ZNF205: variants seen among roughly 807,000 people sequenced by gnomAD.
The protein encoded by ZNF205 is transcriptional repressor RHIT.
A neutral mutation model predicts 53.6 loss-of-function variants in ZNF205; 32 were observed. The observed-to-expected ratio is 0.60, with a 90% CI of 0.45 to 0.80. The LOEUF (loss-of-function observed/expected upper bound fraction) is 0.80. ZNF205 is among the 30% of genes least tolerant of loss of function. The pLI, the probability that ZNF205 is intolerant of heterozygous loss-of-function variation, is 0.00. For missense variants in ZNF205, 836 were observed against 782.4 expected (o/e 1.07, Z -0.82); for synonymous variants, 382 against 334.3 (o/e 1.14, Z -1.56).
At position 3,119,531 on chromosome 16, in the gene ZNF205, G is replaced by A. The variant is rs564531023; in HGVS notation, c.871G>A (p.Glu291Lys). Residue 291 changes from glutamate (E) to lysine (K), a missense_variant, in exon 7 of 7, where the codon GAG becomes AAG. Glu to Lys is a moderately conservative substitution (Grantham distance 56). Transcript: ENST00000219091. ...CAACGAGGAGGAGAAGGGCGCCCCG[G>A]AGAGTGGCGAGGAGGGCCTGGCCCC... ...KPNEEEKGAP[E>K]SGEEGLAPDS... 6.9e-6 allele frequency: 11 copies of A among 1,605,484 alleles called. No individual in the cohort carries two copies. In the South Asian group the frequency reaches 1.0e-4, roughly 15 times the overall value.
rs761459629 is a variant in ZNF205, at chr16:3,120,089, C to T, written c.1429C>T (p.His477Tyr). ...NRTHTGEKPY[H>Y]CLDCGKSFSH... ...CACACACACAGGCGAGAAGCCCTACCACTGCCTCGACTGCGGCAAGAGCTT... is the reference window on the plus strand; with the variant it reads ...CACACACACAGGCGAGAAGCCCTACTACTGCCTCGACTGCGGCAAGAGCTT... Residue 477 changes from histidine (H) to tyrosine (Y), a missense_variant, in exon 7 of 7, where the codon CAC (histidine) becomes TAC (tyrosine). Coordinates refer to ENST00000219091, the MANE Select transcript of ZNF205 (RefSeq NM_001042428.2). 1.9e-6 allele frequency: 3 copies of T among 1,613,758 alleles called. No individual in the cohort carries two copies. In the Admixed American group the frequency reaches 5.0e-5, roughly 27 times the overall value.
chr16:3,118,793 C>G (rs1957377970), intron 5 of ZNF205, 112 bp from the exon 6 acceptor site: 1 of 1,179,188 alleles, frequency 8.5e-7, no homozygotes, highest in Admixed American at 2.6e-5. Flanking sequence ...TATTTTACCC[C>G]CTGTTTCCAG....
chr16:3,114,350 A>G (rs189725607), intron 2 of ZNF205, among the ~76,000 whole-genome samples: 67 of 152,206 alleles, frequency 4.4e-4, no homozygotes, highest in African/African-American at 1.6e-3. Context: ...CGTGAACCTC[A>G]TGACCATTCT....
intron 4 of ZNF205, chr16:3,116,217 A>G (rs2151228859): frequency 1.4e-6 from 1 of 709,172 alleles, no homozygotes. Flanking sequence ...CTTAACTGTG[A>G]TCCCTGAAAA....
intron 2 of ZNF205, 59 bp from the exon 3 acceptor site, chr16:3,115,296 C>G: frequency 7.3e-7 from 1 of 1,365,988 alleles, no homozygotes; most frequent in South Asian, 1.8e-5. Flanking sequence ...AGCGCACTGC[C>G]ATGTGGCCCT....
intron 5 of ZNF205, 33 bp from the exon 6 acceptor site, chr16:3,118,872 G>A (rs1258534102): frequency 6.2e-7 from 1 of 1,607,032 alleles, no homozygotes; most frequent in African/African-American, 1.3e-5. Flanking sequence ...GCGCCAGAAG[G>A]CCTGTGACAG....
intron 2 of ZNF205, among the ~76,000 whole-genome samples, chr16:3,114,334 T>G (rs1288860966): frequency 6.6e-6 from 1 of 152,122 alleles, no homozygotes; most frequent in Non-Finnish European, 1.5e-5. Context: ...TCTCCATCAT[T>G]ATCTGCGTGA....
At chr16:3,113,968 C>T (rs147321109) in intron 2 of ZNF205, among the ~76,000 whole-genome samples, 4 of 152,012 alleles carry the variant, frequency 2.6e-5, no homozygotes, top group Admixed American at 6.6e-5. Flanking sequence ...TATGAGTCAG[C>T]GACAGGCCAG....
Position 3,119,564 on chromosome 16 carries a change from G to A in ZNF205, c.904G>A (p.Glu302Lys). Residue 302 changes from glutamate to lysine, a missense_variant, in exon 7 of 7, where the codon GAG (glutamate) becomes AAG (lysine). Coordinates refer to ENST00000219091, the MANE Select transcript of ZNF205 (RefSeq NM_001042428.2). ...CGAGGAGGGCCTGGCCCCTGACAGT[G>A]AGGTGGGCAGGAAGAGCTACCGGTG... is the stretch of plus-strand genomic sequence containing the variant. ...SGEEGLAPDS[E>K]VGRKSYRCEQ... The A allele has an allele frequency of 6.2e-7, 1 of 1,608,572 alleles. No individual in the cohort carries two copies. Among genetic ancestry groups the A allele is most frequent in the Non-Finnish European group, 8.5e-7 (1 of 1,177,930 alleles).
intron 2 of ZNF205, among the ~76,000 whole-genome samples, chr16:3,113,791 G>A (rs1283129270): frequency 6.6e-6 from 1 of 152,096 alleles, no homozygotes; most frequent in East Asian, 1.9e-4. Context: ...CTCCTTCCCC[G>A]TGCTTCTCCA....
chr16:3,117,442 CTTTTTTTTT>C (rs139893783), intron 5 of ZNF205, among the ~76,000 whole-genome samples: 1 of 73,188 alleles, frequency 1.4e-5, no homozygotes, highest in Non-Finnish European at 2.4e-5. Context: ...AGTCCCAGAG[CTTTTTTTTT>C]TTTTTTTTTT....
chr16:3,119,492 G>A lies in ZNF205; in HGVS notation c.832G>A (p.Val278Ile), dbSNP rs1237650057. 3 of 1,593,352 alleles carry A rather than the reference G, an allele frequency of 1.9e-6. No homozygotes were observed. Among genetic ancestry groups the A allele is most frequent in the Non-Finnish European group, 1.7e-6 (2 of 1,170,822 alleles). The change falls in exon 7 of 7, where the codon GTC becomes ATC. Residue 278 changes from valine to isoleucine, a missense_variant. Transcript: ENST00000219091. ...TCCCACGGAGCCCCAGGAGTACCGC[G>A]TCCCGGAGAAGCCCAACGAGGAGGA... ...PSPTEPQEYR[V>I]PEKPNEEEKG...
At chr16:3,113,754 C>A (rs745921985) in intron 2 of ZNF205, among the ~76,000 whole-genome samples, 1 of 152,194 alleles carries the variant, frequency 6.6e-6, no homozygotes, top group South Asian at 2.1e-4. Context: ...TTCTGAGCAG[C>A]GCTCAGAGCA....
In ZNF205 at chr16:3,119,329, C is replaced by G; in HGVS notation, c.669C>G (p.Thr223=). The G allele has an allele frequency of 6.2e-7, 1 of 1,612,662 alleles. No homozygotes were observed. The highest frequency in any genetic ancestry group is 8.5e-7 in the Non-Finnish European group (1 of 1,179,620). ...AALGNVKPFR[T]RAGRVQWGVP... ...TTGGGAATGTGAAGCCCTTCAGAAC[C>G]AGGGCAGGGAGAGTCCAGTGGGGCG... is the stretch of plus-strand genomic sequence containing the variant. Residue 223 remains threonine, a synonymous_variant, in exon 7 of 7, where the codon ACC becomes ACG. Coordinates refer to ENST00000219091, the MANE Select transcript of ZNF205 (RefSeq NM_001042428.2).
At chr16:3,115,255 C>G in intron 2 of ZNF205, 100 bp from the exon 3 acceptor site, 1 of 915,662 alleles carries the variant, frequency 1.1e-6, no homozygotes, top group Non-Finnish European at 1.5e-6. Context: ...CTTCAAGCTG[C>G]GTCTTGCATG....
At chr16:3,118,662 C>T (rs1376111129) in intron 5 of ZNF205, among the ~76,000 whole-genome samples, 1 of 152,132 alleles carries the variant, frequency 6.6e-6, no homozygotes, top group African/African-American at 2.4e-5. Flanking sequence ...AGGGTGTTGC[C>T]CACTCCCGTC....
rs769466702 is a variant in ZNF205, at chr16:3,119,379, CCTGCGGCCG to C, written c.720_728del (p.Cys241_Arg243del). 3.1e-6 allele frequency: 5 copies of C among 1,611,812 alleles called. No homozygotes were observed. In the African/African-American group the frequency reaches 6.7e-5, roughly 22 times the overall value. The stretch of plus-strand genomic sequence containing the variant: ...GTCCCGCAGTGCGCGCAGGAAGCAG[CCTGCGGCCG>C]GAGCTCAGGGCCGGCCAAAGACTCC... On this transcript the variant is annotated inframe_deletion, in exon 7 of 7. Transcript: ENST00000219091.
In ZNF205 at chr16:3,114,159, C is replaced by T. The variant is rs551040817; in HGVS notation, c.57+672C>T. Among the ~76,000 whole-genome samples, 15 of 152,292 alleles carry T rather than the reference C, an allele frequency of 9.8e-5. No individual in the cohort carries two copies. The East Asian group carries it at 2.7e-3, about 27-fold the overall frequency. On this transcript the variant is annotated intron_variant, in intron 2 of 6. Transcript: ENST00000219091. ...AAGAATTGTTAGCATGGTTCAGTTT[C>T]CCATCCACTTCCCGTGTGCCTTGAA...
At position 3,120,130 on chromosome 16, in the gene ZNF205, C is replaced by A. The variant is rs752877922; in HGVS notation, c.1470C>A (p.His490Gln). ...GCAAGAGCTTCAGCCACAGCTCGCA[C>A]CTCACCGCGCACCAGCGCACCCACC... ...DCGKSFSHSS[H>Q]LTAHQRTHRG... Residue 490 changes from histidine to glutamine, a missense_variant, in exon 7 of 7, where the codon CAC becomes CAA. By Grantham distance (24) the His-to-Gln change is conservative. Transcript: ENST00000219091. 2 of 1,613,342 alleles carry A rather than the reference C, an allele frequency of 1.2e-6. No individual in the cohort carries two copies. The highest frequency in any genetic ancestry group is 1.7e-6 in the Non-Finnish European group (2 of 1,179,678).
Sources: allele counts gnomAD v4.1 joint callset (sites outside exome capture counted in the v4.1 genomes callset), GRCh38; gene constraint gnomAD v4.1.1; transcripts MANE v1.5; gene names NCBI Gene and HGNC (gene_info 2026-07-23, HGNC 2026-07-21).